COX7B: variants seen among roughly 807,000 people sequenced by gnomAD.
COX7B encodes the protein cytochrome c oxidase subunit 7B, mitochondrial.
COX7B carries 2 observed loss-of-function variants against 7.9 expected under a neutral mutation model. That is an observed-to-expected ratio of 0.25 (90% CI 0.10 to 0.79). COX7B has a LOEUF of 0.79. Ranked by LOEUF, COX7B falls within the 30% of genes least tolerant of loss-of-function variation. COX7B has a pLI of 0.69. For synonymous variants in COX7B, 19 were observed against 21.1 expected, an observed-to-expected ratio of 0.90 and a Z score of 0.27; for missense variants, 54 against 62.7, an observed-to-expected ratio of 0.86 and a Z score of 0.47.
At chrX:77,903,414 G>C (rs1352735016) in intron 2 of COX7B, among the ~76,000 whole-genome samples, 1 of 109,201 alleles carries the variant, frequency 9.2e-6, no homozygotes, top group Non-Finnish European at 1.9e-5. Flanking sequence ...GGCTGGTCTT[G>C]AACTCCTGAC....
intron 1 of COX7B, 59 bp downstream of exon 1, chrX:77,899,652 C>T: frequency 5.5e-6 from 6 of 1,097,482 alleles, no homozygotes; most frequent in Non-Finnish European, 7.5e-6. Context: ...GTCCTCGCGG[C>T]CTCTCGTGTG....
rs906187010 is a variant in COX7B at position 77,906,490 on chromosome X, G to T, written c.*1229G>T. 7 of 112,093 alleles carry T rather than the reference G, an allele frequency of 6.2e-5. No individual in the cohort carries two copies. Among genetic ancestry groups the T allele is most frequent in the Non-Finnish European group, 1.1e-4 (6 of 53,268 alleles). The allele number at this position is 112,093 out of a possible 1,213,427, so 9.2% of individuals were successfully genotyped here. Reference sequence around the variant, plus strand: ...ATTAAAGAAAATCTTGTCAAATGCAGTCTGTTCCTAGTTATCTACTATCAG... The same window carrying T: ...ATTAAAGAAAATCTTGTCAAATGCATTCTGTTCCTAGTTATCTACTATCAG... On this transcript the variant is annotated 3_prime_UTR_variant, in exon 3 of 3. Transcript: ENST00000650309.
intron 1 of COX7B, among the ~76,000 whole-genome samples, chrX:77,902,254 G>A (rs2077122238): frequency 9.0e-6 from 1 of 111,404 alleles, no homozygotes; most frequent in Non-Finnish European, 1.9e-5. Flanking sequence ...AAATTTCAGG[G>A]GTTATGCAAA....
Position 77,906,623 on chromosome X carries a change from A to G in COX7B, c.*1362A>G, listed in dbSNP as rs2077135796. 1.8e-5 allele frequency: 2 copies of G among 111,628 alleles called. No homozygotes were observed. The highest frequency in any genetic ancestry group is 7.5e-4 in the South Asian group (2 of 2,681). The allele number at this position is 111,628 out of a possible 1,213,427, so 9.2% of individuals were successfully genotyped here. A position where few individuals can be genotyped will look rare whatever the true frequency, so the allele number is the denominator to read the frequency against. Reference sequence around the variant, plus strand: ...TGAAGAAGAGCAATATCTGTACCACATATTTCTTTGTTTTTCTTTTTTGAG... The same window carrying G: ...TGAAGAAGAGCAATATCTGTACCACGTATTTCTTTGTTTTTCTTTTTTGAG... On this transcript the variant is annotated 3_prime_UTR_variant, in exon 3 of 3. Transcript: ENST00000650309.
At chrX:77,903,436 C>T (rs891788592) in intron 2 of COX7B, among the ~76,000 whole-genome samples, 12 of 109,576 alleles carry the variant, frequency 1.1e-4, no homozygotes, top group African/African-American at 3.7e-4. Context: ...TCAGGTGATC[C>T]GCCCGCCTTG....
rs2077135879 is a variant in COX7B at position 77,906,639 on chromosome X, C to G, written c.*1378C>G. 1 of 111,291 alleles carries G rather than the reference C, an allele frequency of 9.0e-6. No individual in the cohort carries two copies. The highest frequency in any genetic ancestry group is 1.9e-5 in the Non-Finnish European group (1 of 53,037). The allele number at this position is 111,291 out of a possible 1,213,427, so 9.2% of individuals were successfully genotyped here. ...CTGTACCACATATTTCTTTGTTTTT[C>G]TTTTTTGAGATGAAGTCTCACTCTG... On this transcript the variant is annotated 3_prime_UTR_variant, in exon 3 of 3. Transcript: ENST00000650309.
At chrX:77,903,893 A>G (rs2077127438) in intron 2 of COX7B, among the ~76,000 whole-genome samples, 1 of 107,894 alleles carries the variant, frequency 9.3e-6, no homozygotes, top group Non-Finnish European at 1.9e-5. Flanking sequence ...GGCTAAAAGT[A>G]GGAGTCCTGA....
intron 2 of COX7B, 22 bp from the exon 3 acceptor site, chrX:77,905,162 G>A (rs1557221001): frequency 8.6e-7 from 1 of 1,169,366 alleles, no homozygotes; most frequent in Non-Finnish European, 1.2e-6. Context: ...ACACGTAACT[G>A]ACAGCATTTT....
chrX:77,899,476 G>C lies in COX7B; in HGVS notation c.-78G>C. On this transcript the variant is annotated 5_prime_UTR_variant, in exon 1 of 3. Transcript: ENST00000650309. ...CGGCTGAAAGCCATTTTGTTTTTCA[G>C]CTCACTTCAAGGGTACCTGAAGCGA... 1 of 1,084,502 alleles carries C rather than the reference G, an allele frequency of 9.2e-7. No homozygotes were observed. The highest frequency in any genetic ancestry group is 1.9e-5 in the South Asian group (1 of 51,953). 89.4% of individuals were successfully genotyped at this position (1,084,502 alleles called of 1,213,427 possible).
At chrX:77,903,931 T>G (rs1441327636) in intron 2 of COX7B, among the ~76,000 whole-genome samples, 1 of 107,339 alleles carries the variant, frequency 9.3e-6, no homozygotes, top group African/African-American at 3.4e-5. Flanking sequence ...TTTGTTTTGT[T>G]TTTTGTTTTT....
intron 1 of COX7B, among the ~76,000 whole-genome samples, chrX:77,901,240 T>G (rs1238524704): frequency 9.1e-6 from 1 of 109,827 alleles, no homozygotes; most frequent in Non-Finnish European, 1.9e-5. Context: ...TGGGCAACAT[T>G]GCAGTTTCTT....
intron 1 of COX7B, chrX:77,901,936 A>G (rs1464158445): frequency 9.0e-6 from 1 of 111,341 alleles, no homozygotes; most frequent in East Asian, 2.8e-4. Context: ...GGGTCTCACT[A>G]TGTTTCACAG....
rs945139266 is a variant in COX7B at position 77,906,819 on chromosome X, G to T, written c.*1558G>T. ...ATTTTTGTATTTTTAGTAGAGATGG[G>T]GTTTCACCATGTTGGCCAACCTGGT... On this transcript the variant is annotated 3_prime_UTR_variant, in exon 3 of 3. Transcript: ENST00000650309. 17 of 110,234 alleles carry T rather than the reference G, an allele frequency of 1.5e-4. No individual in the cohort carries two copies. The highest frequency in any genetic ancestry group is 4.9e-4 in the African/African-American group (15 of 30,311). 9.1% of individuals were successfully genotyped at this position (110,234 alleles called of 1,213,427 possible). A position where few individuals can be genotyped will look rare whatever the true frequency, so the allele number is the denominator to read the frequency against.
intron 1 of COX7B, among the ~76,000 whole-genome samples, chrX:77,900,820 A>G (rs1344312337): frequency 2.7e-5 from 3 of 112,399 alleles, no homozygotes; most frequent in Non-Finnish European, 5.6e-5. Flanking sequence ...AATAATGCCT[A>G]CTTCATGGGG....
chrX:77,903,011 C>T, intron 2 of COX7B: 2 of 245,070 alleles, frequency 8.2e-6, no homozygotes, highest in Middle Eastern at 1.2e-3. Flanking sequence ...TCTTGTGTAG[C>T]TGTTTTTTTT....
In COX7B at chrX:77,905,544, G is replaced by A. The variant is rs1233232919; in HGVS notation, c.*283G>A. 2.2e-5 allele frequency: 4 copies of A among 181,704 alleles called. No individual in the cohort carries two copies. Among genetic ancestry groups the A allele is most frequent in the Non-Finnish European group, 3.7e-5 (4 of 108,814 alleles). The allele number at this position is 181,704 out of a possible 1,213,427, so 15.0% of individuals were successfully genotyped here. ...CTCACTTTGTCCCCCAGGCTGGAGT[G>A]CAGTGGCACCATCTCAGCTCACTGC... is the stretch of plus-strand genomic sequence containing the variant. On this transcript the variant is annotated 3_prime_UTR_variant, in exon 3 of 3. Transcript: ENST00000650309.
intron 1 of COX7B, 144 bp from the exon 2 acceptor site, chrX:77,902,499 A>G (rs1477724865): frequency 8.8e-6 from 5 of 567,301 alleles, no homozygotes; most frequent in South Asian, 6.5e-5. Flanking sequence ...AATAGCTACA[A>G]TATGTTTTAA....
rs1557221137 is a variant in COX7B at position 77,906,108 on chromosome X, T to C, written c.*847T>C. 1 of 112,242 alleles carries C rather than the reference T, an allele frequency of 8.9e-6. No homozygotes were observed. The highest frequency in any genetic ancestry group is 3.2e-5 in the African/African-American group (1 of 30,880). 9.3% of individuals were successfully genotyped at this position (112,242 alleles called of 1,213,427 possible). A position where few individuals can be genotyped will look rare whatever the true frequency, so the allele number is the denominator to read the frequency against. ...CCCTTAAATGGCTTTTATGAGGTAA[T>C]GTGAAAGGAAAATTTGCCTTTGACC... On this transcript the variant is annotated 3_prime_UTR_variant, in exon 3 of 3. Coordinates refer to ENST00000650309, the MANE Select transcript of COX7B (RefSeq NM_001866.3).
At chrX:77,904,303 A>G (rs2077128871) in intron 2 of COX7B, among the ~76,000 whole-genome samples, 1 of 110,583 alleles carries the variant, frequency 9.0e-6, no homozygotes, top group African/African-American at 3.3e-5. Flanking sequence ...AACTTTATTT[A>G]AATAAATAGG....
Sources: gnomAD v4.1 joint callset for allele counts (sites outside exome capture counted in the v4.1 genomes callset) on GRCh38, gnomAD v4.1.1 for gene constraint, MANE v1.5 for transcripts, NCBI Gene and HGNC (gene_info 2026-07-23, HGNC 2026-07-21) for gene names.